Variants in RMDN2 observed in about 807,000 individuals in gnomAD.
RMDN2 encodes regulator of microtubule dynamics 2.
A neutral mutation model predicts 52.8 loss-of-function variants in RMDN2; 61 were observed. That is an observed-to-expected ratio of 1.16 (90% CI 0.94 to 1.43). The LOEUF is 1.43. RMDN2 is among the 40% of genes most tolerant of loss of function. The probability of loss-of-function intolerance (pLI) is 0.00; values close to 1 mark genes in which losing one functional copy is unlikely to be tolerated. For missense variants in RMDN2, 592 were observed against 475.3 expected, an observed-to-expected ratio of 1.25 and a Z score of -2.28; for synonymous variants, 180 against 153.1, an observed-to-expected ratio of 1.18 and a Z score of -1.30.
Position 37,951,722 on chromosome 2 carries a change from T to C in RMDN2, c.452+21993T>C, listed in dbSNP as rs769303162. 5 of 1,612,670 alleles carry C rather than the reference T, an allele frequency of 3.1e-6. 1 individual carries two copies. Among genetic ancestry groups the C allele is most frequent in the Non-Finnish European group, 4.2e-6 (5 of 1,179,510 alleles). ...TCTTTTCTAAAACTTCAAGTAATAC[T>C]GATGCTAAAAAACATATAACCATCT... On this transcript the variant is annotated intron_variant, in intron 2 of 10. Transcript: ENST00000354545.
chr2:37,943,566 A>G (rs944393073), intron 2 of RMDN2, among the ~76,000 whole-genome samples: 1 of 152,204 alleles, frequency 6.6e-6, no homozygotes, highest in Non-Finnish European at 1.5e-5. Context: ...TATGTCTAAA[A>G]TAAATTCTTT....
At chr2:38,034,829 AAT>A (rs775334891) in intron 10 of RMDN2, among the ~76,000 whole-genome samples, 106,592 of 150,956 alleles carry the variant, frequency 0.71, 39,226 homozygotes, top group African/African-American at 0.92. Flanking sequence ...TTTAAAATTT[AAT>A]AAGTAGAAAT....
chr2:37,955,452 T>G (rs1312033594), intron 2 of RMDN2, among the ~76,000 whole-genome samples: 1 of 152,188 alleles, frequency 6.6e-6, no homozygotes, highest in Non-Finnish European at 1.5e-5. Context: ...GAGATGATCA[T>G]GGGTTGTTTT....
intron 10 of RMDN2, among the ~76,000 whole-genome samples, chr2:38,031,635 T>A (rs1340313204): frequency 2.0e-5 from 3 of 152,150 alleles, no homozygotes; most frequent in Admixed American, 2.0e-4. Context: ...AGAGGAAAGT[T>A]TATCTGGGTT....
intron 10 of RMDN2, among the ~76,000 whole-genome samples, chr2:38,052,307 C>T (rs1003877962): frequency 6.6e-6 from 1 of 152,134 alleles, no homozygotes; most frequent in African/African-American, 2.4e-5. Flanking sequence ...TACCTGTTGG[C>T]CATTTGTGTG....
rs1419578978 is a variant in RMDN2 at position 38,062,827 on chromosome 2, C to A, written c.1714-4155C>A. On this transcript the variant is annotated intron_variant, in intron 10 of 10. Transcript: ENST00000234195. Reference sequence around the variant, plus strand: ...GTTCCCCTTCCTGTGTGCATGTGTTCTCATTGTTCAATTCCCACCTATGAG... The same window carrying A: ...GTTCCCCTTCCTGTGTGCATGTGTTATCATTGTTCAATTCCCACCTATGAG... Among the ~76,000 whole-genome samples the A allele has an allele frequency of 2.5e-5, 3 of 120,960 alleles. No individual in the cohort carries two copies. In the East Asian group the frequency reaches 8.5e-4, roughly 34 times the overall value. 79.4% of individuals were successfully genotyped at this position (120,960 alleles called of 152,430 possible).
intron 4 of RMDN2, among the ~76,000 whole-genome samples, chr2:37,975,859 C>T (rs1005899876): frequency 6.6e-6 from 1 of 152,026 alleles, no homozygotes; most frequent in Non-Finnish European, 1.5e-5. Context: ...ATATGTTCTT[C>T]AGAAATATTT....
chr2:37,947,444 T>C (rs1668313205), intron 2 of RMDN2, among the ~76,000 whole-genome samples: 1 of 152,194 alleles, frequency 6.6e-6, no homozygotes, highest in African/African-American at 2.4e-5. Context: ...TTGTGCTAAA[T>C]TCATTAAAAA....
intron 3 of RMDN2, 88 bp from the exon 4 acceptor site, chr2:37,975,124 A>T: frequency 1.3e-6 from 1 of 762,888 alleles, no homozygotes; most frequent in Non-Finnish European, 2.3e-6. Context: ...TACCTGCCTA[A>T]GTTTTTAAAA....
At chr2:38,023,980 T>C (rs1213296471) in intron 10 of RMDN2, among the ~76,000 whole-genome samples, 2 of 152,180 alleles carry the variant, frequency 1.3e-5, no homozygotes, top group African/African-American at 4.8e-5. Context: ...TAACAACTGA[T>C]CTGCTTTCTG....
downstream of RMDN2, among the ~76,000 whole-genome samples, chr2:38,021,862 T>G (rs559766533): frequency 6.6e-6 from 1 of 152,188 alleles, no homozygotes; most frequent in Admixed American, 6.5e-5. Context: ...TGAGGCCCAG[T>G]TCTTAACAGG....
chr2:37,940,728 C>T (rs578190849), intron 2 of RMDN2, among the ~76,000 whole-genome samples: 5 of 152,260 alleles, frequency 3.3e-5, no homozygotes, highest in African/African-American at 1.2e-4. Flanking sequence ...TGTTTTTCAG[C>T]TCCATCAGGT....
chr2:37,948,919 A>G (rs1668460716), intron 2 of RMDN2, among the ~76,000 whole-genome samples: 1 of 152,190 alleles, frequency 6.6e-6, no homozygotes, highest in Non-Finnish European at 1.5e-5. Flanking sequence ...CCTTTGGGGT[A>G]GCTCAGTGAG....
chr2:37,976,765 A>C (rs1319831112), intron 4 of RMDN2, among the ~76,000 whole-genome samples: 1 of 152,324 alleles, frequency 6.6e-6, no homozygotes, highest in Non-Finnish European at 1.5e-5. Context: ...ATTTATTTTC[A>C]TATCTACTGA....
intron 10 of RMDN2, chr2:38,030,688 A>G (rs973489454): frequency 2.0e-5 from 3 of 152,228 alleles, no homozygotes; most frequent in Non-Finnish European, 4.4e-5. Context: ...TTTACTCACT[A>G]AGATAGTTTA....
rs547857551 is a variant in RMDN2 at position 38,037,171 on chromosome 2, C to T, written c.1714-29811C>T. Among the ~76,000 whole-genome samples the T allele has an allele frequency of 9.9e-5, 15 of 152,252 alleles. No homozygotes were observed. The East Asian group carries it at 1.5e-3, about 16-fold the overall frequency. On this transcript the variant is annotated intron_variant, in intron 10 of 10. Coordinates refer to the RMDN2 transcript ENST00000234195. ...CCTAAGCTCTCTAAGCTTCAGTTTCCTCATCTGTAAAATGAGGATGAAATT... is the reference window on the plus strand; with the variant it reads ...CCTAAGCTCTCTAAGCTTCAGTTTCTTCATCTGTAAAATGAGGATGAAATT...
rs139729835 is a variant in RMDN2, at chr2:37,961,803, C to T, written c.453-12237C>T. On this transcript the variant is annotated intron_variant, in intron 2 of 10. Coordinates refer to ENST00000354545, the MANE Select transcript of RMDN2 (RefSeq NM_001170791.3). ...TTTTGGAATTTTCAGCATTTTTGCA[C>T]TGGTTTTTCCTCATCTTCGTAGATT... Among the ~76,000 whole-genome samples the T allele has an allele frequency of 5.6e-3, 860 of 152,286 alleles. 12 individuals are homozygous for T. The South Asian group carries it at 0.057, about 10-fold the overall frequency.
rs1301638985 is a variant in RMDN2 at position 38,017,636 on chromosome 2, G to T, written c.*397G>T. The T allele has an allele frequency of 9.1e-7, 1 of 1,098,958 alleles. No homozygotes were observed. The highest frequency in any genetic ancestry group is 1.7e-5 in the African/African-American group (1 of 59,980). 68.1% of individuals were successfully genotyped at this position (1,098,958 alleles called of 1,614,324 possible). Reference sequence around the variant, plus strand: ...ATGAAAAATGGAAAACTCAGCAAAGGACATGAACAAGTTGTTGGCAGAAGA... The same window carrying T: ...ATGAAAAATGGAAAACTCAGCAAAGTACATGAACAAGTTGTTGGCAGAAGA... On this transcript the variant is annotated 3_prime_UTR_variant, in exon 11 of 11. Coordinates refer to ENST00000354545, the MANE Select transcript of RMDN2 (RefSeq NM_001170791.3).
At chr2:37,927,425 C>T (rs978746405) in intron 1 of RMDN2, among the ~76,000 whole-genome samples, 1 of 152,202 alleles carries the variant, frequency 6.6e-6, no homozygotes, top group Admixed American at 6.5e-5. Flanking sequence ...GGAATTGGTG[C>T]AGTTCCTAAA....
Sources: gnomAD v4.1 joint callset for allele counts (sites outside exome capture counted in the v4.1 genomes callset) on GRCh38, gnomAD v4.1.1 for gene constraint, MANE v1.5 for transcripts, NCBI Gene and HGNC (gene_info 2026-07-23, HGNC 2026-07-21) for gene names.